Variants in CTCF observed in about 807,000 individuals in gnomAD.
CTCF encodes CCCTC-binding factor.
In CTCF, 7 loss-of-function variants were observed where a neutral mutation model predicts 72.3. The ratio of observed to expected loss-of-function variants is 0.10; its 90% confidence interval spans 0.06 to 0.18. The LOEUF (loss-of-function observed/expected upper bound fraction) is 0.18. Among genes scored for constraint, CTCF ranks in the 10% least tolerant of loss-of-function variants. The pLI is 1.00. For missense variants in CTCF, 516 were observed against 949.1 expected (o/e 0.54, Z 6.00); for synonymous variants, 374 against 315.8 (o/e 1.18, Z -1.95).
Position 67,616,872 on chromosome 16 carries a change from T to C in CTCF, c.1080T>C (p.Ser360=), listed in dbSNP as rs2142839800. The change falls in exon 5 of 12, where the codon AGT becomes AGC. Residue 360 remains serine, a synonymous_variant. Coordinates refer to ENST00000264010, the MANE Select transcript of CTCF (RefSeq NM_006565.4). ...AGTGTTCCATGTGCGATTACGCCAGTGTAGAAGTGAGTGTTCAGCTTTTTG... is the reference window on the plus strand; with the variant it reads ...AGTGTTCCATGTGCGATTACGCCAGCGTAGAAGTGAGTGTTCAGCTTTTTG... The part of the protein sequence containing the change: ...PFKCSMCDYA[S]VEVSKLKRHI... 5 of 1,614,180 alleles carry C rather than the reference T, an allele frequency of 3.1e-6. No individual in the cohort carries two copies. The highest frequency in any genetic ancestry group is 4.5e-5 in the East Asian group (2 of 44,890).
At chr16:67,601,068 G>A (rs935905021) in intron 2 of CTCF, among the ~76,000 whole-genome samples, 16 of 152,210 alleles carry the variant, frequency 1.1e-4, no homozygotes, top group Non-Finnish European at 7.4e-5. Context: ...TGCTAGTGTC[G>A]GGAGAGGCAG....
At chr16:67,616,644 A>G in intron 4 of CTCF, 101 bp from the exon 5 acceptor site, 1 of 1,357,096 alleles carries the variant, frequency 7.4e-7, no homozygotes, top group South Asian at 1.3e-5. Flanking sequence ...TGATGGGATG[A>G]ATAGGGTTCC....
intron 4 of CTCF, chr16:67,616,317 T>C (rs1411237556): frequency 6.2e-6 from 1 of 162,324 alleles, no homozygotes; most frequent in African/African-American, 2.4e-5. Context: ...ATAGTCATAA[T>C]ACAACGAGAT....
At chr16:67,630,233 A>G (rs1321904398) in intron 10 of CTCF, among the ~76,000 whole-genome samples, 1 of 152,154 alleles carries the variant, frequency 6.6e-6, no homozygotes, top group Non-Finnish European at 1.5e-5. Flanking sequence ...CAGTGAATCT[A>G]ATGGACATGA....
intron 2 of CTCF, among the ~76,000 whole-genome samples, chr16:67,608,434 A>C (rs1221448959): frequency 6.6e-6 from 1 of 152,176 alleles, no homozygotes; most frequent in Non-Finnish European, 1.5e-5. Context: ...ATGGTATGAC[A>C]TGGGCAGTTT....
chr16:67,579,437 C>T (rs1216937191), intron 2 of CTCF, among the ~76,000 whole-genome samples: 2 of 151,720 alleles, frequency 1.3e-5, no homozygotes, highest in African/African-American at 4.8e-5. Flanking sequence ...CGGCTCACTG[C>T]AATCCTTGCT....
chr16:67,566,713 A>G (rs921642649), intron 1 of CTCF, among the ~76,000 whole-genome samples: 1 of 150,706 alleles, frequency 6.6e-6, no homozygotes, highest in Non-Finnish European at 1.5e-5. Context: ...AGTAGCTGGG[A>G]GGACTACAGG....
chr16:67,588,520 T>C (rs1395473889), intron 2 of CTCF, among the ~76,000 whole-genome samples: 2 of 152,042 alleles, frequency 1.3e-5, no homozygotes, highest in African/African-American at 4.8e-5. Context: ...AGCAAAAGTG[T>C]CATTTGGGCT....
At chr16:67,580,757 C>T (rs901095459) in intron 2 of CTCF, among the ~76,000 whole-genome samples, 1 of 145,030 alleles carries the variant, frequency 6.9e-6, no homozygotes, top group Non-Finnish European at 1.5e-5. Context: ...GGCACCTGCC[C>T]CAACGCCTGG....
At position 67,636,805 on chromosome 16, in the gene CTCF, G is replaced by T; in HGVS notation, c.1953G>T (p.Arg651=). 1 of 1,600,060 alleles carries T rather than the reference G, an allele frequency of 6.2e-7. No individual in the cohort carries two copies. The highest frequency in any genetic ancestry group is 8.5e-7 in the Non-Finnish European group (1 of 1,173,014). ...CAGCCCCACCACCCGCCAAGAAGCG[G>T]AGAGGACGACCCCCTGGCAGAACCA... is the stretch of plus-strand genomic sequence containing the variant. ...VTPAPPPAKK[R]RGRPPGRTNQ... Residue 651 remains arginine (R), a synonymous_variant, in exon 11 of 12, where the codon CGG becomes CGT. Transcript: ENST00000264010.
intron 10 of CTCF, among the ~76,000 whole-genome samples, chr16:67,629,889 C>T (rs894656530): frequency 1.3e-5 from 2 of 149,510 alleles, no homozygotes; most frequent in African/African-American, 2.5e-5. Flanking sequence ...ATTCTCCTGC[C>T]TCAGCCTCCC....
chr16:67,628,436 G>T lies in CTCF; in HGVS notation c.1585G>T (p.Asp529Tyr). The change falls in exon 9 of 12, where the codon GAT (aspartate) becomes TAT (tyrosine). Residue 529 changes from aspartate (D) to tyrosine (Y), a missense_variant. This residue lies in a region of CTCF where 81 missense variants were observed against 184.3 expected (regional missense o/e 0.44). Coordinates refer to ENST00000264010, the MANE Select transcript of CTCF (RefSeq NM_006565.4). Reference protein sequence around the residue: ...GEKPYACSHCDKTFRQKQLLD... With the variant: ...GEKPYACSHCYKTFRQKQLLD... ...GAAGCCTTACGCCTGCAGCCACTGC[G>T]ATAAGACCTTCCGCCAGAAGCAGCT... is the stretch of plus-strand genomic sequence containing the variant. The T allele has an allele frequency of 1.2e-6, 2 of 1,614,180 alleles. No individual in the cohort carries two copies. The highest frequency in any genetic ancestry group is 1.7e-6 in the Non-Finnish European group (2 of 1,180,036).
intron 2 of CTCF, among the ~76,000 whole-genome samples, chr16:67,581,291 C>T (rs1215794010): frequency 2.0e-5 from 3 of 151,212 alleles, no homozygotes; most frequent in Non-Finnish European, 4.4e-5. Flanking sequence ...AACCTTGCTG[C>T]GTGTTGTGAA....
chr16:67,619,612 ACT>A (rs1344894874), intron 5 of CTCF, among the ~76,000 whole-genome samples: 3 of 152,044 alleles, frequency 2.0e-5, no homozygotes, highest in Non-Finnish European at 4.4e-5. Flanking sequence ...AGGGTCTCTC[ACT>A]CTGTCGCCCA....
At chr16:67,629,254 C>A in intron 9 of CTCF, 144 bp from the exon 10 acceptor site, 1 of 711,258 alleles carries the variant, frequency 1.4e-6, no homozygotes. Flanking sequence ...ATCCATTTCC[C>A]CTGAGCAGAG....
chr16:67,592,698 C>T (rs2051761317), intron 2 of CTCF, among the ~76,000 whole-genome samples: 1 of 151,954 alleles, frequency 6.6e-6, no homozygotes, highest in Non-Finnish European at 1.5e-5. Flanking sequence ...GAGTGAGACT[C>T]CGTCTCAAAA....
In CTCF at chr16:67,587,100, ATTTTTT is replaced by A. The variant is rs754060008; in HGVS notation, c.-10+15854_-10+15859del. Reference sequence around the variant, plus strand: ...TTTTAGGGTAGGTAACTTCTTAAACATTTTTTTTTTTTTTTTTTTTTTTGGAGACAG... The same window carrying A: ...TTTTAGGGTAGGTAACTTCTTAAACATTTTTTTTTTTTTTTTTGGAGACAG... On this transcript the variant is annotated intron_variant, in intron 2 of 11. Coordinates refer to ENST00000264010, the MANE Select transcript of CTCF (RefSeq NM_006565.4). Among the ~76,000 whole-genome samples the A allele has an allele frequency of 1.2e-3, 117 of 98,732 alleles. 1 individual carries two copies. The highest frequency in any genetic ancestry group is 3.6e-3 in the African/African-American group (97 of 27,166). 64.8% of individuals were successfully genotyped at this position (98,732 alleles called of 152,430 possible). A position where few individuals can be genotyped will look rare whatever the true frequency, so the allele number is the denominator to read the frequency against.
intron 2 of CTCF, among the ~76,000 whole-genome samples, chr16:67,601,247 TGTG>T (rs1347710458): frequency 3.4e-5 from 5 of 147,534 alleles, no homozygotes; most frequent in Non-Finnish European, 6.0e-5. Context: ...TGTGTGTGTG[TGTG>T]TGTGTTTTGT....
At chr16:67,616,646 T>C (rs2052135288) in intron 4 of CTCF, 99 bp from the exon 5 acceptor site, 1 of 1,371,926 alleles carries the variant, frequency 7.3e-7, no homozygotes, top group Non-Finnish European at 1.0e-6. Flanking sequence ...ATGGGATGAA[T>C]AGGGTTCCAG....
Sources: allele counts gnomAD v4.1 joint callset (sites outside exome capture counted in the v4.1 genomes callset), GRCh38; gene constraint gnomAD v4.1.1; regional missense constraint gnomAD v4.1.1; transcripts MANE v1.5; gene names NCBI Gene and HGNC (gene_info 2026-07-23, HGNC 2026-07-21).